HCRTR2: variants seen among roughly 807,000 people sequenced by gnomAD.
HCRTR2 encodes the protein hypocretin receptor 2.
HCRTR2 carries 22 observed loss-of-function variants against 49.0 expected under a neutral mutation model. The ratio of observed to expected loss-of-function variants is 0.45; its 90% CI spans 0.32 to 0.64. The LOEUF (loss-of-function observed/expected upper bound fraction) is 0.64. HCRTR2 is among the 30% of genes least tolerant of loss of function. HCRTR2 has a pLI of 0.04. For missense variants in HCRTR2, 491 were observed against 559.4 expected (o/e 0.88, Z 1.23); for synonymous variants, 236 against 205.3 (o/e 1.15, Z -1.28).
rs530933307 is a variant in HCRTR2, at chr6:55,122,741, G to T, written c.-378+16196G>T. 3.3e-5 allele frequency among the ~76,000 whole-genome samples: 5 copies of T among 152,000 alleles called. No individual in the cohort carries two copies. In the South Asian group the frequency reaches 6.2e-4, roughly 19 times the overall value. On this transcript the variant is annotated intron_variant, in intron 1 of 7. Transcript: ENST00000615358. ...CTAAATGTCCAACAATGATAGACTG[G>T]ATTAAGAAAATGTGACACATGTACA...
intron 4 of HCRTR2, among the ~76,000 whole-genome samples, chr6:55,273,488 ATTCTCGAC>A (rs1047024546): frequency 3.3e-4 from 50 of 152,082 alleles, no homozygotes; most frequent in Non-Finnish European, 6.8e-4. Context: ...CCCAGATAAA[ATTCTCGAC>A]TTATTTCCAT....
intron 1 of HCRTR2, among the ~76,000 whole-genome samples, chr6:55,116,584 TC>T (rs1472100736): frequency 6.6e-6 from 1 of 151,432 alleles, no homozygotes; most frequent in Non-Finnish European, 1.5e-5. Context: ...AAATATTTCT[TC>T]TTGAAATACC....
At chr6:55,270,546 A>G (rs756974543) in intron 4 of HCRTR2, among the ~76,000 whole-genome samples, 4 of 152,132 alleles carry the variant, frequency 2.6e-5, no homozygotes, top group Non-Finnish European at 5.9e-5. Context: ...AAAATCCCAA[A>G]CTTTTGAGAG....
intron 1 of HCRTR2, among the ~76,000 whole-genome samples, chr6:55,234,033 T>G (rs1282892936): frequency 6.6e-6 from 1 of 152,168 alleles, no homozygotes. Context: ...TGATCCATCC[T>G]ATTATCTAAA....
At chr6:55,119,621 T>TG (rs1491131212) in intron 1 of HCRTR2, among the ~76,000 whole-genome samples, 3 of 94,494 alleles carry the variant, frequency 3.2e-5, no homozygotes, top group African/African-American at 1.2e-4. Context: ...TCATTTTTGA[T>TG]GTTTTTTTTT....
In HCRTR2 at chr6:55,117,783, CAAAA is replaced by C. The variant is rs34425786; in HGVS notation, c.-378+11256_-378+11259del. ...TGCACCTGCCCTTGGGATAAAGTCTCAAAAAAAAAAAAAAAAAAAAAGGGAACTG... is the reference window on the plus strand; with the variant it reads ...TGCACCTGCCCTTGGGATAAAGTCTCAAAAAAAAAAAAAAAAAGGGAACTG... On this transcript the variant is annotated intron_variant, in intron 1 of 7. Coordinates refer to the HCRTR2 transcript ENST00000615358. Among the ~76,000 whole-genome samples, 18 of 78,312 alleles carry C rather than the reference CAAAA, an allele frequency of 2.3e-4. 1 individual carries two copies. Among genetic ancestry groups the C allele is most frequent in the Non-Finnish European group, 3.5e-4 (15 of 42,924 alleles). The allele number at this position is 78,312 out of a possible 152,430, so 51.4% of individuals were successfully genotyped here.
intron 1 of HCRTR2, among the ~76,000 whole-genome samples, chr6:55,141,885 G>A (rs1476881455): frequency 6.6e-6 from 1 of 152,004 alleles, no homozygotes; most frequent in African/African-American, 2.4e-5. Context: ...AAAAGCTATA[G>A]AAACCCATGT....
chr6:55,282,465 C>T lies in HCRTR2; in HGVS notation c.*11C>T. ...CTTCAAAACTGGTAGAATATTTATT[C>T]ATATGACAAGGATACCTGAGTAAAA... On this transcript the variant is annotated 3_prime_UTR_variant, in exon 7 of 7. Coordinates refer to ENST00000370862, the MANE Select transcript of HCRTR2 (RefSeq NM_001384272.1). 1 of 1,401,490 alleles carries T rather than the reference C, an allele frequency of 7.1e-7. No homozygotes were observed. The allele number at this position is 1,401,490 out of a possible 1,614,324, so 86.8% of individuals were successfully genotyped here. A position where few individuals can be genotyped will look rare whatever the true frequency, so the allele number is the denominator to read the frequency against.
intron 1 of HCRTR2, among the ~76,000 whole-genome samples, chr6:55,160,175 C>T (rs1252974227): frequency 2.0e-5 from 3 of 152,096 alleles, no homozygotes; most frequent in Non-Finnish European, 4.4e-5. Context: ...AGAGTGAAGG[C>T]CAATATTCAA....
chr6:55,255,414 A>G (rs201011032), intron 3 of HCRTR2, 35 bp downstream of exon 3: 1 of 1,612,242 alleles, frequency 6.2e-7, no homozygotes, highest in Admixed American at 1.7e-5. Context: ...TGACATTTAT[A>G]TTACAGCAGC....
chr6:55,227,520 T>C (rs1458646465), intron 1 of HCRTR2, among the ~76,000 whole-genome samples: 1 of 152,260 alleles, frequency 6.6e-6, no homozygotes, highest in Non-Finnish European at 1.5e-5. Flanking sequence ...CATGTATGTT[T>C]GAACAGGGAA....
chr6:55,191,455 T>C (rs1273945821), intron 1 of HCRTR2, among the ~76,000 whole-genome samples: 1 of 152,172 alleles, frequency 6.6e-6, no homozygotes, highest in African/African-American at 2.4e-5. Context: ...CACATATTGC[T>C]ATACATAGTA....
chr6:55,124,963 T>A (rs1226456328), intron 1 of HCRTR2, among the ~76,000 whole-genome samples: 1 of 151,838 alleles, frequency 6.6e-6, no homozygotes, highest in Non-Finnish European at 1.5e-5. Flanking sequence ...TCCATGTGCT[T>A]GGTAAATAAT....
chr6:55,250,975 A>G (rs1010379069), intron 2 of HCRTR2, among the ~76,000 whole-genome samples: 2 of 152,270 alleles, frequency 1.3e-5, no homozygotes, highest in African/African-American at 4.8e-5. Context: ...ATTGGTGCAC[A>G]GGTAAAACTA....
chr6:55,229,099 C>T (rs1002547304), intron 1 of HCRTR2, among the ~76,000 whole-genome samples: 5 of 152,156 alleles, frequency 3.3e-5, no homozygotes, highest in African/African-American at 1.2e-4. Context: ...GGATAACAAA[C>T]ATTAGCAAAA....
At chr6:55,265,553 G>A (rs190986983) in intron 4 of HCRTR2, among the ~76,000 whole-genome samples, 2 of 152,204 alleles carry the variant, frequency 1.3e-5, no homozygotes, top group East Asian at 3.9e-4. Context: ...TTATGAACCG[G>A]CATGTGTTAC....
intron 1 of HCRTR2, among the ~76,000 whole-genome samples, chr6:55,156,028 C>T (rs1391780539): frequency 6.6e-6 from 1 of 151,838 alleles, no homozygotes; most frequent in African/African-American, 2.4e-5. Context: ...ACCCCAGCAC[C>T]TTTAATATGG....
At chr6:55,188,124 C>G (rs1765256521) in intron 1 of HCRTR2, among the ~76,000 whole-genome samples, 1 of 152,188 alleles carries the variant, frequency 6.6e-6, no homozygotes, top group African/African-American at 2.4e-5. Context: ...CCTCCTTTGA[C>G]AGTACAGCTA....
chr6:55,121,761 G>C (rs1176568464), intron 1 of HCRTR2, among the ~76,000 whole-genome samples: 2 of 152,018 alleles, frequency 1.3e-5, no homozygotes, highest in East Asian at 3.9e-4. Context: ...GCTGGATTAT[G>C]TTTATTGATT....
Sources: allele counts gnomAD v4.1 joint callset (sites outside exome capture counted in the v4.1 genomes callset), GRCh38; gene constraint gnomAD v4.1.1; transcripts MANE v1.5; gene names NCBI Gene and HGNC (gene_info 2026-07-23, HGNC 2026-07-21).